The following ADCY9 variants were observed in gnomAD, a reference collection of about 807,000 sequenced individuals.
ADCY9 encodes the protein adenylate cyclase 9.
In ADCY9, 50 loss-of-function variants were observed where a neutral mutation model predicts 101.5. The ratio of observed to expected loss-of-function variants is 0.49; its 90% CI spans 0.39 to 0.62. The LOEUF (loss-of-function observed/expected upper bound fraction) is 0.62. ADCY9 is among the 20% of genes least tolerant of loss of function. The probability of loss-of-function intolerance (pLI) is 0.00; values close to 1 mark genes in which losing one functional copy is unlikely to be tolerated. For missense variants in ADCY9, 1,662 were observed against 1,800.4 expected, an observed-to-expected ratio of 0.92 and a Z score of 1.39; for synonymous variants, 905 against 769.3, an observed-to-expected ratio of 1.18 and a Z score of -2.92.
chr16:3,988,996 C>T lies in ADCY9; in HGVS notation c.2308G>A (p.Glu770Lys), dbSNP rs774854321. 6 of 1,611,538 alleles carry T rather than the reference C, an allele frequency of 3.7e-6. No homozygotes were observed. The African/African-American group carries it at 4.0e-5, about 11-fold the overall frequency. Residue 770 changes from glutamate (E) to lysine (K), a missense_variant and splice_region_variant, in exon 6 of 11, where the codon GAG becomes AAG. Physicochemically the swap from Glu to Lys is moderately conservative, Grantham distance 56 (BLOSUM62 1). Coordinates refer to ENST00000294016, the MANE Select transcript of ADCY9 (RefSeq NM_001116.4). ...ERSYRTSYQE[E>K]VIKNSPVKTF... Reference sequence around the variant, plus strand: ...AGCGCAAGGAGAAATGAACGCACCTCTTCCTGATAGCTGGTCCTGTAGGAT... The same window carrying T: ...AGCGCAAGGAGAAATGAACGCACCTTTTCCTGATAGCTGGTCCTGTAGGAT...
chr16:4,097,627 AC>A (rs1429066063), intron 2 of ADCY9, among the ~76,000 whole-genome samples: 1 of 142,210 alleles, frequency 7.0e-6, no homozygotes, highest in Non-Finnish European at 1.5e-5. Context: ...AATCTCAGCA[AC>A]CTCCATCTCC....
At chr16:3,956,503 T>TTTTTTTTTTTTA (rs55792938) in intron 5 of ADCY9, among the ~76,000 whole-genome samples, 7 of 69,496 alleles carry the variant, frequency 1.0e-4, no homozygotes, top group Non-Finnish European at 2.3e-4. Flanking sequence ...TTTTTTTTTT[T>TTTTTTTTTTTTA]GGGGGGGGAT....
At chr16:3,994,613 G>A (rs566329914) in intron 3 of ADCY9, among the ~76,000 whole-genome samples, 2 of 152,234 alleles carry the variant, frequency 1.3e-5, no homozygotes, top group South Asian at 4.1e-4. Context: ...CTGCCACCAC[G>A]CCCGGCTACT....
chr16:4,113,664 A>C, intron 2 of ADCY9, 86 bp downstream of exon 2: 2 of 1,504,560 alleles, frequency 1.3e-6, no homozygotes, highest in Non-Finnish European at 1.8e-6. Flanking sequence ...AGCTGTCTGC[A>C]GACACTGAGG....
At chr16:4,008,890 C>T (rs1207808229) in intron 2 of ADCY9, among the ~76,000 whole-genome samples, 2 of 152,146 alleles carry the variant, frequency 1.3e-5, no homozygotes, top group Admixed American at 6.5e-5. Flanking sequence ...AGCTTCAGGT[C>T]GTGAAGGGTG....
chr16:4,066,566 T>C (rs555200626), intron 2 of ADCY9, among the ~76,000 whole-genome samples: 1 of 152,098 alleles, frequency 6.6e-6, no homozygotes, highest in South Asian at 2.1e-4. Flanking sequence ...TTTTTATTAT[T>C]TGTAGAAATG....
rs374527731 is a variant in ADCY9 at position 3,993,490 on chromosome 16, G to C, written c.1905C>G (p.Ile635Met). Residue 635 changes from isoleucine to methionine, a missense_variant, in exon 4 of 11, where the codon ATC (isoleucine) becomes ATG (methionine). Ile to Met is a conservative substitution (Grantham distance 10). This residue lies in a region of ADCY9 where 624 missense variants were observed against 639.1 expected (regional missense o/e 0.98). Coordinates refer to ENST00000294016, the MANE Select transcript of ADCY9 (RefSeq NM_001116.4). ...CGGCTTCAGATTTGGGAGCAAATGT[G>C]ATTCCGCACGAAGGGCAGGTCTAGA... is the stretch of plus-strand genomic sequence containing the variant. ...DNLKTCPSCG[I>M]TFAPKSEAGA... 2 of 1,614,134 alleles carry C rather than the reference G, an allele frequency of 1.2e-6. No individual in the cohort carries two copies. Among genetic ancestry groups the C allele is most frequent in the Admixed American group, 3.3e-5 (2 of 60,028 alleles).
At chr16:3,961,236 C>T (rs1169248936), downstream of ADCY9, among the ~76,000 whole-genome samples, 1 of 151,972 alleles carries the variant, frequency 6.6e-6, no homozygotes, top group East Asian at 1.9e-4. Flanking sequence ...TCACTTGAAC[C>T]CAGGAGTTCG....
intron 6 of ADCY9, among the ~76,000 whole-genome samples, chr16:3,984,555 C>T (rs2056174380): frequency 6.6e-6 from 1 of 152,212 alleles, no homozygotes; most frequent in East Asian, 1.9e-4. Context: ...GATTGGGAGG[C>T]CAAGGCCAGG....
rs201391953 is a variant in ADCY9 at position 3,995,598 on chromosome 16, A to AAT, written c.1885-2090_1885-2089dup. On this transcript the variant is annotated intron_variant, in intron 3 of 10. Coordinates refer to ENST00000294016, the MANE Select transcript of ADCY9 (RefSeq NM_001116.4). ...ATGAAGAAGACAAACCGTGGCAAGA[A>AAT]ATATATTTTTTTTTTTTTTTGGACT... 3.6e-3 allele frequency among the ~76,000 whole-genome samples: 516 copies of AAT among 141,804 alleles called. 3 individuals are homozygous for AAT. The highest frequency in any genetic ancestry group is 0.026 in the Middle Eastern group (7 of 272). The allele number at this position is 141,804 out of a possible 152,430, so 93.0% of individuals were successfully genotyped here. A position where few individuals can be genotyped will look rare whatever the true frequency, so the allele number is the denominator to read the frequency against.
chr16:3,993,174 A>G (rs2601791), intron 4 of ADCY9, among the ~76,000 whole-genome samples: 75,040 of 151,946 alleles, frequency 0.49, 19,690 homozygotes, highest in Non-Finnish European at 0.58. Flanking sequence ...TTGGCCTTTA[A>G]AGGAATCCCG....
chr16:3,956,621 G>C (rs572255145), intron 5 of ADCY9, among the ~76,000 whole-genome samples: 55 of 150,256 alleles, frequency 3.7e-4, no homozygotes, highest in African/African-American at 1.3e-3. Context: ...CTCCCAAGTA[G>C]CTGGGATTAC....
intron 2 of ADCY9, among the ~76,000 whole-genome samples, chr16:4,077,337 T>C (rs2056874178): frequency 6.6e-6 from 1 of 152,154 alleles, no homozygotes; most frequent in Non-Finnish European, 1.5e-5. Flanking sequence ...AGGAGGGTTT[T>C]CAGGTGGTCT....
At chr16:4,037,128 G>T (rs1023960007) in intron 2 of ADCY9, among the ~76,000 whole-genome samples, 2 of 151,986 alleles carry the variant, frequency 1.3e-5, no homozygotes, top group Non-Finnish European at 2.9e-5. Context: ...ACCAGCCTGG[G>T]CAACATAGTG....
chr16:4,043,287 TATA>T (rs1300260442), intron 2 of ADCY9, among the ~76,000 whole-genome samples: 3 of 152,134 alleles, frequency 2.0e-5, no homozygotes, highest in Non-Finnish European at 2.9e-5. Flanking sequence ...TTAAAAATCG[TATA>T]ATGTGTTATA....
In ADCY9 at chr16:4,095,721, A is replaced by T. The variant is rs143549204; in HGVS notation, c.1693+18029T>A. On this transcript the variant is annotated intron_variant, in intron 2 of 10. Transcript: ENST00000294016. Reference sequence around the variant, plus strand: ...ACCAGGCACCATGGGTCACGCCTGTAATCACAGCACTTTAGGAGGCCAAGG... The same window carrying T: ...ACCAGGCACCATGGGTCACGCCTGTTATCACAGCACTTTAGGAGGCCAAGG... Among the ~76,000 whole-genome samples the T allele has an allele frequency of 2.8e-4, 42 of 152,320 alleles. No homozygotes were observed. The East Asian group carries it at 7.7e-3, about 28-fold the overall frequency.
At chr16:3,962,214 C>A (rs2055944374), downstream of ADCY9, among the ~76,000 whole-genome samples, 1 of 152,076 alleles carries the variant, frequency 6.6e-6, no homozygotes, top group Non-Finnish European at 1.5e-5. Flanking sequence ...TCTGAAGGGG[C>A]TTTGTGACTT....
chr16:4,007,477 T>A lies in ADCY9; in HGVS notation c.1775A>T (p.Glu592Val), dbSNP rs766737348. 8.0e-5 allele frequency: 129 copies of A among 1,614,132 alleles called. No individual in the cohort carries two copies. The highest frequency in any genetic ancestry group is 3.3e-4 in the Middle Eastern group (2 of 6,060). The part of the protein sequence containing the change: ...SCAEALLSGF[E>V]VIDGSQVSSG... ...GGACACCTGTGAGCCGTCAATGACC[T>A]CAAAGCCAGAAAGCAAGGCCTCTGC... Residue 592 changes from glutamate to valine, a missense_variant, in exon 3 of 11, where the codon GAG (glutamate) becomes GTG (valine). By Grantham distance (121) the Glu-to-Val change is moderately radical. Around this residue, in one of 5 missense-constraint regions of ADCY9, gnomAD observed 624 missense variants for 639.1 expected, o/e 0.98. Transcript: ENST00000294016.
chr16:4,036,049 C>T (rs983331208), intron 2 of ADCY9, among the ~76,000 whole-genome samples: 1 of 150,110 alleles, frequency 6.7e-6, no homozygotes, highest in African/African-American at 2.4e-5. Context: ...CCCAGCCCCC[C>T]TCCCTTCACT....
Sources: gnomAD v4.1 joint callset for allele counts (sites outside exome capture counted in the v4.1 genomes callset) on GRCh38, gnomAD v4.1.1 for gene constraint, gnomAD v4.1.1 regional missense constraint, MANE v1.5 for transcripts, NCBI Gene and HGNC (gene_info 2026-07-23, HGNC 2026-07-21) for gene names.